The following CHSY3 variants were observed in gnomAD, a reference collection of about 807,000 sequenced individuals.
CHSY3 encodes the protein chondroitin sulfate synthase 3.
CHSY3 carries 35 observed loss-of-function variants against 67.2 expected under a neutral mutation model. The ratio of observed to expected loss-of-function variants is 0.52; its 90% CI spans 0.40 to 0.69. The LOEUF (loss-of-function observed/expected upper bound fraction) is 0.69. Among genes scored for constraint, CHSY3 ranks in the 30% least tolerant of loss-of-function variants. The pLI, the probability that CHSY3 is intolerant of heterozygous loss-of-function variation, is 0.00. For synonymous variants in CHSY3, 474 were observed against 434.7 expected, an observed-to-expected ratio of 1.09 and a Z score of -1.12; for missense variants, 1,069 against 1,138.5, an observed-to-expected ratio of 0.94 and a Z score of 0.88.
intron 2 of CHSY3, among the ~76,000 whole-genome samples, chr5:129,938,961 A>G (rs1339916217): frequency 6.6e-6 from 1 of 152,118 alleles, no homozygotes; most frequent in African/African-American, 2.4e-5. Context: ...AATTTTCTGT[A>G]TTAGTCCATT....
rs548901989 is a variant in CHSY3 at position 130,001,030 on chromosome 5, T to G, written c.1086+92670T>G. Among the ~76,000 whole-genome samples, 8 of 151,818 alleles carry G rather than the reference T, an allele frequency of 5.3e-5. No individual in the cohort carries two copies. In the East Asian group the frequency reaches 1.6e-3, roughly 30 times the overall value. On this transcript the variant is annotated intron_variant, in intron 2 of 2. Coordinates refer to ENST00000305031, the MANE Select transcript of CHSY3 (RefSeq NM_175856.5). ...CTCAGCCTCCCGAGTAGCTGAGTGG[T>G]GGCACACGCCTGGTTAACTTTTTGT...
chr5:129,973,315 A>G (rs150014977), intron 2 of CHSY3, among the ~76,000 whole-genome samples: 2 of 152,266 alleles, frequency 1.3e-5, no homozygotes, highest in African/African-American at 4.8e-5. Context: ...CAGAGAATCT[A>G]GAATTCTATC....
intron 2 of CHSY3, among the ~76,000 whole-genome samples, chr5:129,944,047 G>A (rs938156593): frequency 6.6e-6 from 1 of 152,188 alleles, no homozygotes; most frequent in African/African-American, 2.4e-5. Context: ...CTTCCACTTG[G>A]AAAGTGATAG....
At chr5:129,989,279 G>C (rs76748942) in intron 2 of CHSY3, among the ~76,000 whole-genome samples, 2 of 40,762 alleles carry the variant, frequency 4.9e-5, no homozygotes, top group African/African-American at 2.0e-4. Context: ...TTTTTTTTTT[G>C]AGACAGAGTT....
chr5:130,031,628 A>T (rs1299083513), intron 2 of CHSY3, among the ~76,000 whole-genome samples: 1 of 152,316 alleles, frequency 6.6e-6, no homozygotes, highest in Admixed American at 6.5e-5. Context: ...GGGGATATAT[A>T]TCTTGCATAA....
At chr5:130,035,593 T>C (rs1764839612) in intron 2 of CHSY3, among the ~76,000 whole-genome samples, 1 of 152,092 alleles carries the variant, frequency 6.6e-6, no homozygotes, top group South Asian at 2.1e-4. Context: ...CACACATGCC[T>C]CAAGATACGG....
intron 2 of CHSY3, among the ~76,000 whole-genome samples, chr5:130,012,730 T>G (rs1764103460): frequency 6.6e-6 from 1 of 152,102 alleles, no homozygotes; most frequent in Non-Finnish European, 1.5e-5. Flanking sequence ...AGGAGGATTA[T>G]GGGAACTGTA....
At chr5:129,913,511 A>G (rs1561451843) in intron 2 of CHSY3, among the ~76,000 whole-genome samples, 2 of 152,178 alleles carry the variant, frequency 1.3e-5, no homozygotes, top group Admixed American at 6.5e-5. Context: ...GTTAAAAATT[A>G]TTTATACATT....
chr5:130,022,970 T>C (rs552097147), intron 2 of CHSY3, among the ~76,000 whole-genome samples: 2 of 152,006 alleles, frequency 1.3e-5, no homozygotes, highest in African/African-American at 4.8e-5. Context: ...GGGGAAGGGG[T>C]AAAGTTAAAT....
intron 2 of CHSY3, among the ~76,000 whole-genome samples, chr5:129,922,677 A>G (rs1436772892): frequency 6.6e-6 from 1 of 151,310 alleles, no homozygotes; most frequent in African/African-American, 2.4e-5. Context: ...TTTCTTAATC[A>G]TATTATTTGT....
intron 2 of CHSY3, among the ~76,000 whole-genome samples, chr5:130,148,953 T>A (rs1769153951): frequency 6.6e-6 from 1 of 152,198 alleles, no homozygotes; most frequent in African/African-American, 2.4e-5. Context: ...GGCATCTTCA[T>A]TATGAAATCT....
At chr5:130,030,880 G>T (rs917190351) in intron 2 of CHSY3, among the ~76,000 whole-genome samples, 1 of 152,014 alleles carries the variant, frequency 6.6e-6, no homozygotes, top group Non-Finnish European at 1.5e-5. Flanking sequence ...GGTAATTAAG[G>T]CTTGTTATAA....
chr5:130,185,471 G>A lies in CHSY3; in HGVS notation c.2329G>A (p.Asp777Asn). 6.2e-7 allele frequency: 1 copy of A among 1,614,132 alleles called. No individual in the cohort carries two copies. Among genetic ancestry groups the A allele is most frequent in the South Asian group, 1.1e-5 (1 of 91,084 alleles). The change falls in exon 3 of 3, where the codon GAC becomes AAC. Residue 777 changes from aspartate (D) to asparagine (N), a missense_variant. By Grantham distance (23) the Asp-to-Asn change is conservative. Transcript: ENST00000305031. Reference sequence around the variant, plus strand: ...CTCAAAAAAGACTGGATTTTGGAGAGACTATGGATATGGCATCACCTGTAT... The same window carrying A: ...CTCAAAAAAGACTGGATTTTGGAGAAACTATGGATATGGCATCACCTGTAT... ...IFSKKTGFWR[D>N]YGYGITCIYK...
intron 2 of CHSY3, among the ~76,000 whole-genome samples, chr5:130,148,292 C>A (rs1012994474): frequency 1.3e-5 from 2 of 152,128 alleles, no homozygotes; most frequent in Non-Finnish European, 2.9e-5. Flanking sequence ...CTTTATTAGT[C>A]TATCATTTAT....
At chr5:129,948,217 C>G (rs1761918357) in intron 2 of CHSY3, among the ~76,000 whole-genome samples, 1 of 152,020 alleles carries the variant, frequency 6.6e-6, no homozygotes, top group African/African-American at 2.4e-5. Flanking sequence ...TTTTGGGGAA[C>G]AGGTGGTGTT....
At chr5:130,066,123 T>A (rs1283980393) in intron 2 of CHSY3, among the ~76,000 whole-genome samples, 1 of 152,144 alleles carries the variant, frequency 6.6e-6, no homozygotes, top group Non-Finnish European at 1.5e-5. Context: ...TTCTACTGTT[T>A]GTGACAGAGG....
chr5:130,017,317 G>T (rs187003946), intron 2 of CHSY3, among the ~76,000 whole-genome samples: 1 of 152,148 alleles, frequency 6.6e-6, no homozygotes, highest in East Asian at 1.9e-4. Flanking sequence ...TTGGAATCCT[G>T]CTGCTTTTTC....
chr5:130,145,011 G>A (rs1769029051), intron 2 of CHSY3, among the ~76,000 whole-genome samples: 1 of 152,064 alleles, frequency 6.6e-6, no homozygotes, highest in South Asian at 2.1e-4. Context: ...AAGAGAGAGG[G>A]AAGGGCAGTG....
In CHSY3 at chr5:129,905,550, A is replaced by T. The variant is rs772710948; in HGVS notation, c.721A>T (p.Met241Leu). 1.2e-6 allele frequency: 2 copies of T among 1,613,706 alleles called. No individual in the cohort carries two copies. Among genetic ancestry groups the T allele is most frequent in the Admixed American group, 1.7e-5 (1 of 60,010 alleles). ...CTATCCTCCCCAGAAAAAGTCCTTC[A>T]TGATGATCAAGTACATGCACGACCA... ...DSYPPQKKSF[M>L]MIKYMHDHYL... Residue 241 changes from methionine (M) to leucine (L), a missense_variant, in exon 1 of 3, where the codon ATG becomes TTG. Transcript: ENST00000305031.
Sources: allele counts gnomAD v4.1 joint callset (sites outside exome capture counted in the v4.1 genomes callset), GRCh38; gene constraint gnomAD v4.1.1; transcripts MANE v1.5; gene names NCBI Gene and HGNC (gene_info 2026-07-23, HGNC 2026-07-21).